Variants in ZNF345 observed in about 807,000 individuals in gnomAD.
ZNF345 encodes the protein zinc finger protein HZF10.
For synonymous variants in ZNF345, 166 were observed against 187.9 expected, an observed-to-expected ratio of 0.88 and a Z score of 0.95; for missense variants, 527 against 589.9, an observed-to-expected ratio of 0.89 and a Z score of 1.10.
chr19:36,853,328 A>G (rs1015187842), intron 2 of ZNF345, among the ~76,000 whole-genome samples: 6 of 147,028 alleles, frequency 4.1e-5, no homozygotes, highest in African/African-American at 1.5e-4. Context: ...GGCTCACCAC[A>G]ACCTCCGCCT....
intron 2 of ZNF345, among the ~76,000 whole-genome samples, chr19:36,852,665 A>G (rs548404953): frequency 3.9e-5 from 6 of 152,166 alleles, no homozygotes; most frequent in Admixed American, 6.5e-5. Flanking sequence ...TTTACCAAAC[A>G]TTGCCAAACT....
chr19:36,879,053 G>T lies in ZNF345; in HGVS notation c.*756G>T, dbSNP rs1465331936. ...GGGTTTCACCACGTTGGCCAGGATGGTCTCGATCTCTTGACCTCGTGATCC... is the reference window on the plus strand; with the variant it reads ...GGGTTTCACCACGTTGGCCAGGATGTTCTCGATCTCTTGACCTCGTGATCC... On this transcript the variant is annotated 3_prime_UTR_variant, in exon 3 of 3. Transcript: ENST00000420450. The T allele has an allele frequency of 6.0e-6, 1 of 165,370 alleles. No individual in the cohort carries two copies. Among genetic ancestry groups the T allele is most frequent in the African/African-American group, 2.4e-5 (1 of 41,408 alleles). 10.2% of individuals were successfully genotyped at this position (165,370 alleles called of 1,614,324 possible).
chr19:36,859,991 T>C (rs944842959), intron 2 of ZNF345, among the ~76,000 whole-genome samples: 4 of 152,250 alleles, frequency 2.6e-5, no homozygotes, highest in African/African-American at 9.6e-5. Flanking sequence ...ACAGTCTCGC[T>C]GGGTCGCCCA....
intron 2 of ZNF345, among the ~76,000 whole-genome samples, chr19:36,868,037 G>C: frequency 7.3e-6 from 1 of 136,810 alleles, no homozygotes; most frequent in Non-Finnish European, 1.5e-5. Context: ...GAGTCTTGCT[G>C]TGTCGCCCAG....
At chr19:36,872,323 A>G (rs961027079) in intron 2 of ZNF345, among the ~76,000 whole-genome samples, 3 of 152,118 alleles carry the variant, frequency 2.0e-5, no homozygotes, top group Admixed American at 2.0e-4. Context: ...TCCGAATCTT[A>G]TGTTGAAATT....
At chr19:36,859,285 AGCTGAGATTACAG>A (rs2146140018) in intron 2 of ZNF345, among the ~76,000 whole-genome samples, 1 of 151,814 alleles carries the variant, frequency 6.6e-6, no homozygotes, top group South Asian at 2.1e-4. Flanking sequence ...CCTCTTGAGT[AGCTGAGATTACAG>A]GCATGCACCG....
intron 3 of ZNF345, chr19:36,891,761 T>C (rs1187718888): frequency 1.2e-6 from 2 of 1,614,200 alleles, no homozygotes; most frequent in Non-Finnish European, 1.7e-6. Context: ...GCATGAATTC[T>C]GTGATGGTTA....
intron 2 of ZNF345, among the ~76,000 whole-genome samples, chr19:36,866,802 C>T (rs573890165): frequency 1.6e-4 from 25 of 152,166 alleles, no homozygotes; most frequent in Non-Finnish European, 2.5e-4. Context: ...CCACTTGCCT[C>T]GGCCTTCCAA....
downstream of ZNF345, among the ~76,000 whole-genome samples, chr19:36,880,522 C>G (rs1218393228): frequency 1.3e-5 from 2 of 152,072 alleles, no homozygotes; most frequent in African/African-American, 4.8e-5. Context: ...GGCACAGTAA[C>G]TCTTGCCTGA....
At chr19:36,886,021 A>G (rs1283235453) in intron 3 of ZNF345, among the ~76,000 whole-genome samples, 1 of 152,190 alleles carries the variant, frequency 6.6e-6, no homozygotes, top group Non-Finnish European at 1.5e-5. Flanking sequence ...TCACAACAGC[A>G]TAGCCACAGT....
intron 2 of ZNF345, among the ~76,000 whole-genome samples, chr19:36,867,076 ACT>A (rs1250357305): frequency 6.6e-6 from 1 of 152,022 alleles, no homozygotes; most frequent in Non-Finnish European, 1.5e-5. Flanking sequence ...AGATAACCAA[ACT>A]CTTTCAAAGT....
chr19:36,865,465 T>C (rs192311661), intron 2 of ZNF345, among the ~76,000 whole-genome samples: 2 of 152,196 alleles, frequency 1.3e-5, no homozygotes, highest in African/African-American at 4.8e-5. Context: ...TTTTTATTTA[T>C]TTATTTATTG....
At chr19:36,881,527 T>C (rs2072968314), downstream of ZNF345, among the ~76,000 whole-genome samples, 1 of 152,180 alleles carries the variant, frequency 6.6e-6, no homozygotes, top group Admixed American at 6.5e-5. Context: ...CAAAGTCTCT[T>C]TTATACCCCC....
At position 36,857,386 on chromosome 19, in the gene ZNF345, A is replaced by T. The variant is rs528406238; in HGVS notation, c.-47+5482A>T. ...CAGCGGCGCCATCTTGGCTCACTGCAAGCTCCGCCTCCTGGGTTCACGCCA... is the reference window on the plus strand; with the variant it reads ...CAGCGGCGCCATCTTGGCTCACTGCTAGCTCCGCCTCCTGGGTTCACGCCA... On this transcript the variant is annotated intron_variant, in intron 2 of 2. Coordinates refer to ENST00000420450, the MANE Select transcript of ZNF345 (RefSeq NM_001242472.2). Among the ~76,000 whole-genome samples the T allele has an allele frequency of 9.2e-5, 14 of 152,234 alleles. No homozygotes were observed. The East Asian group carries it at 2.7e-3, about 29-fold the overall frequency.
chr19:36,850,915 AG>A lies in ZNF345; in HGVS notation c.-172del, dbSNP rs1326048618. The A allele has an allele frequency of 1.3e-5, 2 of 152,322 alleles. No homozygotes were observed. The highest frequency in any genetic ancestry group is 1.3e-4 in the Admixed American group (2 of 15,278). The allele number at this position is 152,322 out of a possible 1,614,324, so 9.4% of individuals were successfully genotyped here. ...GGCCTTGGGGCTTTGTGAGATAGCT[AG>A]GGTCGACTTGTGTGGATTCTAGTAG... On this transcript the variant is annotated 5_prime_UTR_variant, in exon 1 of 3. Coordinates refer to ENST00000420450, the MANE Select transcript of ZNF345 (RefSeq NM_001242472.2).
Position 36,878,189 on chromosome 19 carries a change from T to C in ZNF345, c.1359T>C (p.Leu453=). ...AGAGAATTCATACAGGTGAGAAACT[T>C]TATGAATGTAAGAACTGTGGGAAGG... ...QHQRIHTGEK[L]YECKNCGKAY... Residue 453 remains leucine, a synonymous_variant, in exon 3 of 3, where the codon CTT becomes CTC. Transcript: ENST00000420450. The C allele has an allele frequency of 6.2e-7, 1 of 1,613,958 alleles. No homozygotes were observed. Among genetic ancestry groups the C allele is most frequent in the Non-Finnish European group, 8.5e-7 (1 of 1,179,950 alleles).
intron 2 of ZNF345, among the ~76,000 whole-genome samples, chr19:36,856,368 T>C (rs1487361470): frequency 1.3e-5 from 2 of 152,236 alleles, no homozygotes; most frequent in Non-Finnish European, 2.9e-5. Flanking sequence ...ATTCCCATAT[T>C]ATTTATTCAG....
intron 2 of ZNF345, among the ~76,000 whole-genome samples, chr19:36,853,477 G>A (rs2072335258): frequency 6.6e-6 from 1 of 152,048 alleles, no homozygotes; most frequent in Admixed American, 6.6e-5. Context: ...GGAACTAGGT[G>A]ATCTGCCTAC....
intron 3 of ZNF345, chr19:36,892,555 A>G: frequency 7.3e-7 from 1 of 1,361,432 alleles, no homozygotes; most frequent in East Asian, 2.3e-5. Flanking sequence ...AATTAAACTG[A>G]AAAGAATATC....
Sources: allele counts gnomAD v4.1 joint callset (sites outside exome capture counted in the v4.1 genomes callset), GRCh38; gene constraint gnomAD v4.1.1; transcripts MANE v1.5; gene names NCBI Gene and HGNC (gene_info 2026-07-23, HGNC 2026-07-21).